The following FRMD4A variants were observed in gnomAD, a reference collection of about 807,000 sequenced individuals.
The protein encoded by FRMD4A is FERM domain-containing protein 4A.
FRMD4A carries 29 observed loss-of-function variants against 129.1 expected under a neutral mutation model. The observed-to-expected ratio is 0.22, with a 90% confidence interval of 0.17 to 0.31. FRMD4A has a LOEUF of 0.31. FRMD4A is among the 10% of genes least tolerant of loss of function. FRMD4A has a pLI of 1.00. For missense variants in FRMD4A, 1,272 were observed against 1,375.8 expected (o/e 0.92, Z 1.19); for synonymous variants, 634 against 571.6 (o/e 1.11, Z -1.56).
chr10:14,074,000 A>G (rs1490421453), intron 2 of FRMD4A, among the ~76,000 whole-genome samples: 1 of 152,080 alleles, frequency 6.6e-6, no homozygotes, highest in Non-Finnish European at 1.5e-5. Context: ...AATCCCAGCT[A>G]CTCGGGAGGC....
chr10:14,220,309 T>C (rs1275723723), intron 2 of FRMD4A, among the ~76,000 whole-genome samples: 1 of 152,250 alleles, frequency 6.6e-6, no homozygotes. Flanking sequence ...GAAACAGCTC[T>C]GGCTTTATTT....
intron 2 of FRMD4A, among the ~76,000 whole-genome samples, chr10:14,127,958 CTTTCTTTCTTTCTTTCTTTCCT>C (rs1457037905): frequency 0.036 from 1,188 of 33,460 alleles, 31 homozygotes; most frequent in African/African-American, 0.081. Flanking sequence ...TTCTTTCTTT[CTTTCTTTCTTTCTTTCTTTCCT>C]TCTCTCTCTC....
intron 2 of FRMD4A, among the ~76,000 whole-genome samples, chr10:14,322,057 T>C (rs1298462265): frequency 6.6e-6 from 1 of 152,212 alleles, no homozygotes; most frequent in South Asian, 2.1e-4. Flanking sequence ...AGGCTTCCTA[T>C]ACAGCCTGCG....
intron 2 of FRMD4A, among the ~76,000 whole-genome samples, chr10:14,249,656 T>C (rs1207191261): frequency 1.3e-5 from 2 of 152,186 alleles, no homozygotes; most frequent in Non-Finnish European, 2.9e-5. Context: ...GAAATCCTCA[T>C]AGATATGCAA....
chr10:14,214,696 G>C (rs1431457637), intron 2 of FRMD4A, among the ~76,000 whole-genome samples: 1 of 151,990 alleles, frequency 6.6e-6, no homozygotes, highest in Non-Finnish European at 1.5e-5. Flanking sequence ...ATTTTCTATA[G>C]ATAATCTTGT....
chr10:13,656,410 G>C (rs2082148638), intron 22 of FRMD4A, among the ~76,000 whole-genome samples: 1 of 152,208 alleles, frequency 6.6e-6, no homozygotes, highest in South Asian at 2.1e-4. Context: ...TGGAGGGTCA[G>C]GTGCACGGTT....
chr10:14,059,178 A>T (rs1235564256), intron 2 of FRMD4A, among the ~76,000 whole-genome samples: 1 of 152,170 alleles, frequency 6.6e-6, no homozygotes, highest in Non-Finnish European at 1.5e-5. Flanking sequence ...GAAGTCTAAT[A>T]TTTGTATGTA....
chr10:13,738,910 T>C (rs10906459), intron 11 of FRMD4A, among the ~76,000 whole-genome samples: 62,838 of 151,922 alleles, frequency 0.41, 13,813 homozygotes, highest in African/African-American at 0.55. Context: ...CATGAGCCAC[T>C]GCGCCTGCCC....
intron 2 of FRMD4A, among the ~76,000 whole-genome samples, chr10:14,040,888 T>C (rs1833753075): frequency 1.3e-5 from 2 of 152,046 alleles, no homozygotes; most frequent in African/African-American, 4.8e-5. Flanking sequence ...GAAAAAGAAA[T>C]ATACAGGGTG....
In FRMD4A at chr10:13,711,439, C is replaced by T. The variant is rs142502627; in HGVS notation, c.760-4326G>A. On this transcript the variant is annotated intron_variant, in intron 12 of 24. Transcript: ENST00000357447. ...TCTGCGCCACCTCAGGGGAGCCTCC[C>T]GAGCTTGCGCTGGCTCAGTGCAGCC... Among the ~76,000 whole-genome samples the T allele has an allele frequency of 7.4e-4, 113 of 152,344 alleles. 2 individuals are homozygous for T. Among genetic ancestry groups the T allele is most frequent in the East Asian group, 3.9e-3 (20 of 5,180 alleles).
chr10:13,684,569 C>T, intron 15 of FRMD4A: 1 of 985,498 alleles, frequency 1.0e-6, no homozygotes, highest in Non-Finnish European at 1.2e-6. Flanking sequence ...CAGCCTCTTT[C>T]AGCCTCATTC....
At chr10:13,974,701 A>T (rs2095534971) in intron 2 of FRMD4A, among the ~76,000 whole-genome samples, 1 of 151,974 alleles carries the variant, frequency 6.6e-6, no homozygotes, top group African/African-American at 2.4e-5. Flanking sequence ...TAATTTTTGT[A>T]TTTTTAGTAG....
intron 2 of FRMD4A, among the ~76,000 whole-genome samples, chr10:13,924,390 G>A (rs1441245283): frequency 1.4e-5 from 2 of 144,782 alleles, no homozygotes; most frequent in South Asian, 2.2e-4. Context: ...TCTTATCTCC[G>A]CCTACTTTTC....
chr10:14,064,714 A>C (rs147235976), intron 2 of FRMD4A, among the ~76,000 whole-genome samples: 5,902 of 152,002 alleles, frequency 0.039, 194 homozygotes, highest in African/African-American at 0.099. Context: ...AGTACCTGGG[A>C]CTACAGGTGC....
At chr10:13,928,064 A>G (rs2095154206) in intron 2 of FRMD4A, among the ~76,000 whole-genome samples, 1 of 141,650 alleles carries the variant, frequency 7.1e-6, no homozygotes, top group African/African-American at 2.7e-5. Flanking sequence ...TCTATTGCTG[A>G]GGCTGGAGTG....
chr10:13,744,956 AT>A (rs1564730646), intron 9 of FRMD4A, among the ~76,000 whole-genome samples: 1 of 152,228 alleles, frequency 6.6e-6, no homozygotes, highest in East Asian at 1.9e-4. Flanking sequence ...ATATAGGGAT[AT>A]GAAAATAGTT....
Position 13,844,925 on chromosome 10 carries a change from C to T in FRMD4A, c.111+13922G>A, listed in dbSNP as rs536040204. 3.9e-5 allele frequency among the ~76,000 whole-genome samples: 6 copies of T among 152,260 alleles called. No homozygotes were observed. In the South Asian group the frequency reaches 6.2e-4, roughly 16 times the overall value. On this transcript the variant is annotated intron_variant, in intron 3 of 24. Coordinates refer to ENST00000357447, the MANE Select transcript of FRMD4A (RefSeq NM_018027.5). ...TTAGTACATGAACTTGTGGCAATTT[C>T]GTGTATGAGTAATGGGCTGGAAAGA...
rs75886887 is a variant in FRMD4A at position 14,055,138 on chromosome 10, G to C, written c.46-196226C>G. Among the ~76,000 whole-genome samples, 1,327 of 152,230 alleles carry C rather than the reference G, an allele frequency of 8.7e-3. 65 individuals carry two copies. The East Asian group carries it at 0.13, about 15-fold the overall frequency. ...GAGAGCACTGAAGTACTTCAGAGAA[G>C]ATCCCAGGTCTATATACTCTGGACC... On this transcript the variant is annotated intron_variant, in intron 2 of 24. Transcript: ENST00000357447.
At chr10:13,713,995 T>TATATACATATATAAA in intron 12 of FRMD4A, among the ~76,000 whole-genome samples, 1 of 71,298 alleles carries the variant, frequency 1.4e-5, no homozygotes, top group South Asian at 4.6e-4. Flanking sequence ...ACATATATAA[T>TATATACATATATAAA]ATACATATAT....
Sources: gnomAD v4.1 joint callset for allele counts (sites outside exome capture counted in the v4.1 genomes callset) on GRCh38, gnomAD v4.1.1 for gene constraint, MANE v1.5 for transcripts, NCBI Gene and HGNC (gene_info 2026-07-23, HGNC 2026-07-21) for gene names.